PKNOX2: variants seen among roughly 807,000 people sequenced by gnomAD.
The protein encoded by PKNOX2 is homeobox protein PKNOX2.
Under a neutral mutation model 53.1 loss-of-function variants are expected in PKNOX2, and 14 were observed. The observed-to-expected ratio is 0.26, with a 90% CI of 0.17 to 0.41. The LOEUF is 0.41. Among genes scored for constraint, PKNOX2 ranks in the 10% least tolerant of loss-of-function variants. PKNOX2 has a pLI of 1.00. For synonymous variants in PKNOX2, 257 were observed against 242.8 expected (o/e 1.06, Z -0.54); for missense variants, 496 against 602.8 (o/e 0.82, Z 1.85).
At chr11:125,429,132 C>G in intron 11 of PKNOX2, 44 bp downstream of exon 11, 2 of 1,533,712 alleles carry the variant, frequency 1.3e-6, no homozygotes, top group Non-Finnish European at 1.8e-6. Context: ...ATCCAGGGGC[C>G]ACCTTCTGGG....
intron 2 of PKNOX2, among the ~76,000 whole-genome samples, chr11:125,322,969 A>C (rs1374247709): frequency 1.3e-5 from 2 of 152,222 alleles, no homozygotes; most frequent in Non-Finnish European, 2.9e-5. Context: ...AGATAACCCC[A>C]GTACATAAAG....
At chr11:125,409,991 T>G in intron 7 of PKNOX2, 5 of 610,924 alleles carry the variant, frequency 8.2e-6, no homozygotes, top group Non-Finnish European at 1.3e-5. Context: ...GGGTGACTCT[T>G]TTTGTTTTTG....
At chr11:125,208,223 G>A (rs1054753771) in intron 1 of PKNOX2, among the ~76,000 whole-genome samples, 1 of 152,068 alleles carries the variant, frequency 6.6e-6, no homozygotes, top group Non-Finnish European at 1.5e-5. Flanking sequence ...ATATGCAAAG[G>A]TCCTGAGGCA....
At chr11:125,374,397 C>A (rs1052292807) in intron 5 of PKNOX2, among the ~76,000 whole-genome samples, 1 of 152,180 alleles carries the variant, frequency 6.6e-6, no homozygotes, top group Non-Finnish European at 1.5e-5. Flanking sequence ...CTTTTTGAAG[C>A]AGCTGGGTTC....
At chr11:125,406,508 CT>C (rs1406278685) in intron 7 of PKNOX2, among the ~76,000 whole-genome samples, 1 of 152,202 alleles carries the variant, frequency 6.6e-6, no homozygotes, top group Non-Finnish European at 1.5e-5. Context: ...AACTGTACGA[CT>C]CCCTAGTTGA....
At chr11:125,197,390 C>A (rs1185086297) in intron 1 of PKNOX2, among the ~76,000 whole-genome samples, 1 of 152,282 alleles carries the variant, frequency 6.6e-6, no homozygotes, top group South Asian at 2.1e-4. Context: ...TCAGCCTCCC[C>A]ACGAGGTCTT....
intron 12 of PKNOX2, among the ~76,000 whole-genome samples, chr11:125,430,534 C>T (rs991147044): frequency 3.3e-5 from 5 of 152,172 alleles, no homozygotes; most frequent in Non-Finnish European, 5.9e-5. Context: ...TTTTCCCAGC[C>T]TCTCCATCAC....
chr11:125,235,324 G>A (rs1293301552), intron 2 of PKNOX2, among the ~76,000 whole-genome samples: 1 of 152,210 alleles, frequency 6.6e-6, no homozygotes, highest in Non-Finnish European at 1.5e-5. Context: ...TATTTAATTA[G>A]ACTATATTGA....
At chr11:125,284,431 G>A (rs1278079364) in intron 2 of PKNOX2, among the ~76,000 whole-genome samples, 11 of 152,180 alleles carry the variant, frequency 7.2e-5, no homozygotes, top group East Asian at 1.9e-4. Flanking sequence ...ATTGTGGTGC[G>A]TGTTAGCGCC....
At position 125,324,428 on chromosome 11, in the gene PKNOX2, T is replaced by C. The variant is rs1949714920; in HGVS notation, c.-129-7391T>C. ...CTGAATATATACATGTATTTACTCC[T>C]TTATCCAGCAAATATGCTGAACACC... On this transcript the variant is annotated intron_variant, in intron 2 of 12. Transcript: ENST00000298282. 2.0e-5 allele frequency among the ~76,000 whole-genome samples: 3 copies of C among 152,350 alleles called. No homozygotes were observed. The East Asian group carries it at 5.8e-4, about 29-fold the overall frequency.
chr11:125,381,260 T>G (rs910257892), intron 5 of PKNOX2, among the ~76,000 whole-genome samples: 1 of 151,780 alleles, frequency 6.6e-6, no homozygotes. Context: ...GGCTCTGGGA[T>G]GGGATGGGAG....
intron 2 of PKNOX2, among the ~76,000 whole-genome samples, chr11:125,290,222 G>A (rs1043626011): frequency 1.3e-5 from 2 of 152,220 alleles, no homozygotes; most frequent in Non-Finnish European, 2.9e-5. Flanking sequence ...CCGCAGACAG[G>A]TGTTGCAGCA....
intron 8 of PKNOX2, 24 bp from the exon 9 acceptor site, chr11:125,410,755 C>A (rs1955459504): frequency 6.3e-7 from 1 of 1,592,514 alleles, no homozygotes; most frequent in African/African-American, 1.3e-5. Context: ...TGGCAGGGGA[C>A]CCCAAAACTG....
chr11:125,328,798 G>C (rs957633052), intron 2 of PKNOX2, among the ~76,000 whole-genome samples: 4 of 152,194 alleles, frequency 2.6e-5, no homozygotes, highest in African/African-American at 9.6e-5. Flanking sequence ...CCACTTGCTG[G>C]CTGTTTTCTT....
chr11:125,237,328 T>A (rs1331863738), intron 2 of PKNOX2, among the ~76,000 whole-genome samples: 3 of 152,200 alleles, frequency 2.0e-5, no homozygotes, highest in Non-Finnish European at 1.5e-5. Flanking sequence ...TTCTCTCAAC[T>A]GGGGCAGTTG....
At position 125,352,668 on chromosome 11, in the gene PKNOX2, C is replaced by G. The variant is rs1951386390; in HGVS notation, c.87+1276C>G. Among the ~76,000 whole-genome samples the G allele has an allele frequency of 6.6e-6, 1 of 152,154 alleles. No homozygotes were observed. Among genetic ancestry groups the G allele is most frequent in the African/African-American group, 2.4e-5 (1 of 41,428 alleles). Reference sequence around the variant, plus strand: ...CTAGCGTACCCAGCATATGGAACACCTTTGCTCTGCCCTTGAAGGTCCAAA... The same window carrying G: ...CTAGCGTACCCAGCATATGGAACACGTTTGCTCTGCCCTTGAAGGTCCAAA... On this transcript the variant is annotated intron_variant, in intron 4 of 12. Transcript: ENST00000298282. The surrounding 1 kb of genome is among the most constrained non-coding windows in gnomAD (Gnocchi z 4.1).
intron 1 of PKNOX2, among the ~76,000 whole-genome samples, chr11:125,232,519 G>A (rs914301147): frequency 2.0e-5 from 3 of 152,188 alleles, no homozygotes; most frequent in East Asian, 3.8e-4. Flanking sequence ...AGCCAGAATC[G>A]AAACCTATCC....
At chr11:125,251,156 A>T (rs886160732) in intron 2 of PKNOX2, among the ~76,000 whole-genome samples, 3 of 152,084 alleles carry the variant, frequency 2.0e-5, no homozygotes, top group African/African-American at 7.2e-5. Flanking sequence ...AGCACTTGCC[A>T]CCCTGCTGTC....
At chr11:125,367,748 C>T (rs2136276806) in intron 4 of PKNOX2, 98 bp from the exon 5 acceptor site, 2 of 1,338,176 alleles carry the variant, frequency 1.5e-6, no homozygotes, top group East Asian at 5.1e-5. Context: ...TTGCTCTCCT[C>T]CGGGCACAGC....
Sources: allele counts gnomAD v4.1 joint callset (sites outside exome capture counted in the v4.1 genomes callset), GRCh38; gene constraint gnomAD v4.1.1; non-coding constraint Gnocchi (gnomAD v3.1); transcripts MANE v1.5; gene names NCBI Gene and HGNC (gene_info 2026-07-23, HGNC 2026-07-21).